MYT1L: variants seen among roughly 807,000 people sequenced by gnomAD.
MYT1L encodes the protein myelin transcription factor 1-like protein.
MYT1L carries 12 observed loss-of-function variants against 126.7 expected under a neutral mutation model. The observed-to-expected ratio is 0.09, with a 90% CI of 0.06 to 0.15. The LOEUF is 0.15. Among genes scored for constraint, MYT1L ranks in the 10% least tolerant of loss-of-function variants. The pLI is 1.00. For synonymous variants in MYT1L, 541 were observed against 604.2 expected (o/e 0.90, Z 1.53); for missense variants, 979 against 1,585.2 (o/e 0.62, Z 6.49).
chr2:2,188,310 A>G (rs1463766615), intron 2 of MYT1L, among the ~76,000 whole-genome samples: 4 of 152,188 alleles, frequency 2.6e-5, no homozygotes, highest in African/African-American at 7.2e-5. Flanking sequence ...CGATTCTGCT[A>G]TTTGGTGGGG....
At chr2:1,797,349 G>C (rs187445815) in intron 23 of MYT1L, among the ~76,000 whole-genome samples, 1 of 152,094 alleles carries the variant, frequency 6.6e-6, no homozygotes, top group African/African-American at 2.4e-5. Flanking sequence ...TCAGCCTCCC[G>C]AGTACCTGGG....
chr2:2,119,130 C>G (rs947646608), intron 3 of MYT1L, among the ~76,000 whole-genome samples: 1 of 152,212 alleles, frequency 6.6e-6, no homozygotes, highest in African/African-American at 2.4e-5. Context: ...CAGCTTCACG[C>G]TAACAGGACA....
At chr2:2,254,227 CT>C (rs2094744897) in intron 2 of MYT1L, among the ~76,000 whole-genome samples, 1 of 152,174 alleles carries the variant, frequency 6.6e-6, no homozygotes, top group Non-Finnish European at 1.5e-5. Context: ...AAATAATCTA[CT>C]TTTATATGAG....
chr2:2,295,575 GA>G (rs2095662768), intron 1 of MYT1L, among the ~76,000 whole-genome samples: 1 of 139,448 alleles, frequency 7.2e-6, no homozygotes, highest in Non-Finnish European at 1.6e-5. Flanking sequence ...CAGAGAGAGA[GA>G]GAGAGAGACA....
chr2:2,045,395 G>A (rs2068054650), intron 4 of MYT1L, among the ~76,000 whole-genome samples: 1 of 152,210 alleles, frequency 6.6e-6, no homozygotes, highest in Non-Finnish European at 1.5e-5. Flanking sequence ...GAGAGGCTCT[G>A]GGAGGGGTGT....
At chr2:1,823,224 A>G (rs62117646) in intron 21 of MYT1L, among the ~76,000 whole-genome samples, 51,937 of 152,020 alleles carry the variant, frequency 0.34, 9,775 homozygotes, top group East Asian at 0.65. Flanking sequence ...CAGCAGGGGC[A>G]CCCAGCTGGT....
intron 2 of MYT1L, among the ~76,000 whole-genome samples, chr2:2,178,053 G>C (rs1055704405): frequency 6.6e-6 from 1 of 151,930 alleles, no homozygotes. Context: ...TATATATACT[G>C]TTTATTTATA....
intron 2 of MYT1L, among the ~76,000 whole-genome samples, chr2:2,213,293 G>A (rs879286497): frequency 6.6e-6 from 1 of 152,166 alleles, no homozygotes; most frequent in Admixed American, 6.5e-5. Flanking sequence ...AACCCAGGGA[G>A]AGCCAGTGAA....
At chr2:1,797,500 G>A (rs1024990376) in intron 23 of MYT1L, among the ~76,000 whole-genome samples, 13 of 152,184 alleles carry the variant, frequency 8.5e-5, no homozygotes, top group African/African-American at 2.2e-4. Flanking sequence ...GATTACAGGC[G>A]TGAGCCACTG....
At chr2:2,011,700 TAAC>T (rs1172014618) in intron 4 of MYT1L, among the ~76,000 whole-genome samples, 1 of 152,178 alleles carries the variant, frequency 6.6e-6, no homozygotes, top group African/African-American at 2.4e-5. Context: ...ACAACCCAGT[TAAC>T]AACTGGCAAA....
chr2:2,075,975 T>A (rs188237020), intron 3 of MYT1L, among the ~76,000 whole-genome samples: 58 of 152,346 alleles, frequency 3.8e-4, no homozygotes, highest in South Asian at 2.7e-3. Flanking sequence ...AGCACTGTCC[T>A]CAGAGCACAG....
chr2:1,820,039 G>C (rs1038539629), intron 21 of MYT1L, among the ~76,000 whole-genome samples: 2 of 152,016 alleles, frequency 1.3e-5, no homozygotes, highest in African/African-American at 4.8e-5. Context: ...AGTGGGGGGG[G>C]GCCAGCGAGG....
At chr2:2,155,756 G>C (rs1172866897) in intron 3 of MYT1L, among the ~76,000 whole-genome samples, 1 of 152,188 alleles carries the variant, frequency 6.6e-6, no homozygotes, top group Non-Finnish European at 1.5e-5. Flanking sequence ...TCATGGAGCT[G>C]TATGGAGCCA....
At chr2:2,020,230 T>C (rs377034561) in intron 4 of MYT1L, among the ~76,000 whole-genome samples, 3 of 152,200 alleles carry the variant, frequency 2.0e-5, no homozygotes, top group African/African-American at 4.8e-5. Context: ...TATAAAACTA[T>C]CACGTGTTGA....
rs370121424 is a variant in MYT1L, at chr2:1,886,561, C to T, written c.2689G>A (p.Ala897Thr). Reference sequence around the variant, plus strand: ...TACTTGAGTTCTTGGGAGCTGGTGGCCAGCATACTTCGAATGCTTTTGTCC... The same window carrying T: ...TACTTGAGTTCTTGGGAGCTGGTGGTCAGCATACTTCGAATGCTTTTGTCC... Reference protein sequence around the residue: ...LADKSIRSMLATSSQELKCPT... With the variant: ...LADKSIRSMLTTSSQELKCPT... Residue 897 changes from alanine (A) to threonine (T), a missense_variant, in exon 18 of 25, where the codon GCC (alanine) becomes ACC (threonine). Physicochemically the swap from Ala to Thr is moderately conservative, Grantham distance 58. Around this residue, in one of 12 missense-constraint regions of MYT1L, gnomAD observed 179 missense variants for 398.6 expected, o/e 0.45. Coordinates refer to ENST00000647738, the MANE Select transcript of MYT1L (RefSeq NM_001303052.2). 2 of 1,577,316 alleles carry T rather than the reference C, an allele frequency of 1.3e-6. No individual in the cohort carries two copies. The highest frequency in any genetic ancestry group is 1.7e-6 in the Non-Finnish European group (2 of 1,162,150).
intron 1 of MYT1L, among the ~76,000 whole-genome samples, chr2:2,302,582 G>A (rs1470288372): frequency 1.3e-5 from 2 of 152,154 alleles, no homozygotes; most frequent in African/African-American, 4.8e-5. Context: ...CATTCCTGTG[G>A]CGGATGTCTG....
chr2:2,152,950 A>C (rs2086055749), intron 3 of MYT1L, among the ~76,000 whole-genome samples: 1 of 152,028 alleles, frequency 6.6e-6, no homozygotes, highest in Non-Finnish European at 1.5e-5. Flanking sequence ...GGGAATAGAT[A>C]CTCCTGTGAG....
At chr2:2,205,004 G>T (rs1445103588) in intron 2 of MYT1L, among the ~76,000 whole-genome samples, 2 of 150,418 alleles carry the variant, frequency 1.3e-5, no homozygotes, top group East Asian at 3.9e-4. Context: ...CAGCAAACTA[G>T]CGCAAGGACA....
At chr2:1,885,032 A>G (rs888270375) in intron 18 of MYT1L, among the ~76,000 whole-genome samples, 2 of 152,246 alleles carry the variant, frequency 1.3e-5, no homozygotes, top group African/African-American at 2.4e-5. Flanking sequence ...GCAGTCTCTG[A>G]CCAGTTAGAG....
Sources: allele counts gnomAD v4.1 joint callset (sites outside exome capture counted in the v4.1 genomes callset), GRCh38; gene constraint gnomAD v4.1.1; regional missense constraint gnomAD v4.1.1; transcripts MANE v1.5; gene names NCBI Gene and HGNC (gene_info 2026-07-23, HGNC 2026-07-21).